The following KIF4A variants were observed in gnomAD, a reference collection of about 807,000 sequenced individuals.
KIF4A encodes the protein kinesin family member 4A, also known as chromosome-associated kinesin KIF4A.
Under a neutral mutation model 105.9 loss-of-function variants are expected in KIF4A, and 7 were observed. The ratio of observed to expected loss-of-function variants is 0.07; its 90% confidence interval spans 0.04 to 0.12. KIF4A has a LOEUF of 0.12. Among genes scored for constraint, KIF4A ranks in the 10% least tolerant of loss-of-function variants. The pLI is 1.00. For synonymous variants in KIF4A, 281 were observed against 331.3 expected, an observed-to-expected ratio of 0.85 and a Z score of 1.65; for missense variants, 558 against 929.2, an observed-to-expected ratio of 0.60 and a Z score of 5.19.
At chrX:70,301,281 T>C (rs1301423067) in intron 5 of KIF4A, among the ~76,000 whole-genome samples, 2 of 111,471 alleles carry the variant, frequency 1.8e-5, no homozygotes, top group African/African-American at 6.5e-5. Context: ...AGAAGTAAGT[T>C]TGGGAGCTAT....
At chrX:70,374,733 C>T (rs906679601) in intron 16 of KIF4A, among the ~76,000 whole-genome samples, 3 of 111,873 alleles carry the variant, frequency 2.7e-5, no homozygotes, top group African/African-American at 9.7e-5. Flanking sequence ...AAAACCAAAG[C>T]AGATAACCAT....
At chrX:70,354,844 G>A (rs2086044695) in intron 15 of KIF4A, among the ~76,000 whole-genome samples, 1 of 112,133 alleles carries the variant, frequency 8.9e-6, no homozygotes, top group South Asian at 3.7e-4. Context: ...CAGTATTGGC[G>A]GGGGCTGGGA....
In KIF4A at chrX:70,329,472, G is replaced by A; in HGVS notation, c.846G>A (p.Lys282=). The A allele has an allele frequency of 1.7e-6, 2 of 1,211,231 alleles. No individual in the cohort carries two copies. The highest frequency in any genetic ancestry group is 2.2e-5 in the Admixed American group (1 of 45,974). ...TCAGTGCTCTTGGAGATGACAAAAA[G>A]GGTGGCTTTGTGCCCTACAGAGATT... ...NVISALGDDK[K]GGFVPYRDSK... Residue 282 remains lysine, a synonymous_variant, in exon 8 of 31, where the codon AAG becomes AAA. Transcript: ENST00000374403.
intron 15 of KIF4A, among the ~76,000 whole-genome samples, chrX:70,360,154 C>T (rs1000948630): frequency 3.6e-5 from 4 of 111,840 alleles, no homozygotes; most frequent in African/African-American, 1.3e-4. Flanking sequence ...CTGGGGCACG[C>T]GGTTTTCACA....
chrX:70,382,728 G>A (rs1250323424), intron 18 of KIF4A, among the ~76,000 whole-genome samples: 1 of 108,871 alleles, frequency 9.2e-6, no homozygotes, highest in African/African-American at 3.4e-5. Flanking sequence ...CAAGGTGGGA[G>A]GATTGCTTGA....
At chrX:70,349,372 TCAC>T (rs1174987489) in intron 13 of KIF4A, among the ~76,000 whole-genome samples, 1 of 92,558 alleles carries the variant, frequency 1.1e-5, no homozygotes, top group Non-Finnish European at 2.1e-5. Flanking sequence ...GAGGCGCTCC[TCAC>T]CTCCCAGACA....
chrX:70,309,939 T>C (rs762765989), intron 7 of KIF4A, among the ~76,000 whole-genome samples: 1 of 112,061 alleles, frequency 8.9e-6, no homozygotes, highest in African/African-American at 3.2e-5. Flanking sequence ...GCTACTCTGG[T>C]GGCTGAGGCA....
chrX:70,405,551 G>T (rs2147739177), intron 25 of KIF4A, among the ~76,000 whole-genome samples: 1 of 111,612 alleles, frequency 9.0e-6, no homozygotes, highest in African/African-American at 3.3e-5. Flanking sequence ...GGGATATGAA[G>T]CTAAGGAATG....
At chrX:70,290,382 C>G in intron 1 of KIF4A, 56 bp from the exon 2 acceptor site, 1 of 1,155,805 alleles carries the variant, frequency 8.7e-7, no homozygotes, top group East Asian at 3.0e-5. Flanking sequence ...GGACGCCCTC[C>G]CACCCCTGCT....
intron 7 of KIF4A, among the ~76,000 whole-genome samples, chrX:70,321,623 C>G (rs978771759): frequency 3.6e-5 from 4 of 111,865 alleles, no homozygotes; most frequent in African/African-American, 1.3e-4. Context: ...ACTCCTGCTC[C>G]TCCTGTTTTA....
chrX:70,292,227 A>G (rs1447793034), intron 3 of KIF4A, among the ~76,000 whole-genome samples: 1 of 111,988 alleles, frequency 8.9e-6, no homozygotes, highest in African/African-American at 3.2e-5. Context: ...CATTACTACC[A>G]TCTATTCCTG....
At chrX:70,374,381 C>T in intron 16 of KIF4A, 127 bp downstream of exon 16, 1 of 417,501 alleles carries the variant, frequency 2.4e-6, no homozygotes, top group Non-Finnish European at 4.1e-6. Context: ...AAGAGGAAAC[C>T]TAAACACAAA....
At chrX:70,348,819 G>A (rs1304555255) in intron 13 of KIF4A, among the ~76,000 whole-genome samples, 1 of 111,355 alleles carries the variant, frequency 9.0e-6, no homozygotes, top group African/African-American at 3.3e-5. Flanking sequence ...TCTTCTTTTC[G>A]ACAAAACTGC....
At chrX:70,348,912 A>C (rs1012058095) in intron 13 of KIF4A, among the ~76,000 whole-genome samples, 2 of 111,390 alleles carry the variant, frequency 1.8e-5, no homozygotes, top group African/African-American at 6.5e-5. Flanking sequence ...GGCCGGGCAG[A>C]GGCGCTCCTC....
intron 18 of KIF4A, among the ~76,000 whole-genome samples, chrX:70,377,159 A>G (rs1359448656): frequency 1.8e-5 from 2 of 110,943 alleles, no homozygotes; most frequent in African/African-American, 6.6e-5. Context: ...TGTAGCCTCA[A>G]ACTGCTGGTC....
intron 28 of KIF4A, among the ~76,000 whole-genome samples, chrX:70,410,931 G>A (rs917214036): frequency 2.7e-5 from 3 of 112,323 alleles, no homozygotes; most frequent in African/African-American, 9.7e-5. Flanking sequence ...TCAAAGTTGT[G>A]TAAATGGGTT....
At chrX:70,342,599 A>G (rs1005262088) in intron 11 of KIF4A, among the ~76,000 whole-genome samples, 2 of 112,201 alleles carry the variant, frequency 1.8e-5, no homozygotes, top group Non-Finnish European at 3.8e-5. Flanking sequence ...TTCCACCAAA[A>G]TATAATTGAA....
At chrX:70,349,314 G>A (rs1241181563) in intron 13 of KIF4A, among the ~76,000 whole-genome samples, 1 of 98,820 alleles carries the variant, frequency 1.0e-5, no homozygotes, top group African/African-American at 3.8e-5. Context: ...CCCAGACAGG[G>A]TGGCCGGGCA....
chrX:70,418,951 A>G (rs1331523194), intron 29 of KIF4A, among the ~76,000 whole-genome samples: 2 of 110,927 alleles, frequency 1.8e-5, no homozygotes, highest in East Asian at 5.7e-4. Context: ...CAGGCGTGGT[A>G]GTGGGTGCCT....
Sources: gnomAD v4.1 joint callset for allele counts (sites outside exome capture counted in the v4.1 genomes callset) on GRCh38, gnomAD v4.1.1 for gene constraint, MANE v1.5 for transcripts, NCBI Gene and HGNC (gene_info 2026-07-23, HGNC 2026-07-21) for gene names.